Variants in FNTB observed in about 807,000 individuals in gnomAD.
The protein encoded by FNTB is protein farnesyltransferase subunit beta.
Under a neutral mutation model 59.4 loss-of-function variants are expected in FNTB, and 27 were observed. The ratio of observed to expected loss-of-function variants is 0.45; its 90% confidence interval spans 0.34 to 0.63. FNTB has a LOEUF of 0.63. FNTB is among the 20% of genes least tolerant of loss of function. The pLI is 0.02. For synonymous variants in FNTB, 230 were observed against 220.7 expected (o/e 1.04, Z -0.37); for missense variants, 449 against 559.6 (o/e 0.80, Z 1.99).
chr14:65,049,208 TAAGA>T (rs2062554955), intron 9 of FNTB, among the ~76,000 whole-genome samples: 1 of 152,076 alleles, frequency 6.6e-6, no homozygotes, highest in Non-Finnish European at 1.5e-5. Context: ...TGTGGAGCAA[TAAGA>T]AAGCAGCAGG....
chr14:65,052,708 C>A (rs555066478), intron 9 of FNTB, among the ~76,000 whole-genome samples: 2 of 152,186 alleles, frequency 1.3e-5, no homozygotes, highest in Admixed American at 6.5e-5. Context: ...TAGGTAAATT[C>A]TTTGAGCTGA....
chr14:65,055,327 TGTCC>T (rs1385120394), intron 11 of FNTB, among the ~76,000 whole-genome samples: 6 of 152,174 alleles, frequency 3.9e-5, no homozygotes, highest in Non-Finnish European at 8.8e-5. Context: ...CAATGGAGAC[TGTCC>T]CCAGTGATCA....
chr14:65,054,754 A>G lies in FNTB; in HGVS notation c.1182+65A>G, dbSNP rs2062692533. The G allele has an allele frequency of 1.3e-6, 2 of 1,515,112 alleles. No homozygotes were observed. The highest frequency in any genetic ancestry group is 9.0e-7 in the Non-Finnish European group (1 of 1,115,136). 93.9% of individuals were successfully genotyped at this position (1,515,112 alleles called of 1,614,324 possible). ...GACCTCGCGGACAGAAGGCTTTCCA[A>G]GTAAGCAGAACTGGCTCTGCATTTC... is the stretch of plus-strand genomic sequence containing the variant. On this transcript the variant is annotated intron_variant, in intron 11 of 11. Transcript: ENST00000246166. The surrounding 1 kb of genome is among the most constrained non-coding windows in gnomAD (Gnocchi z 4.4).
Position 65,008,426 on chromosome 14 carries a change from T to C in FNTB, c.210-3891T>C, listed in dbSNP as rs114043048. On this transcript the variant is annotated intron_variant, in intron 2 of 11. Coordinates refer to ENST00000246166, the MANE Select transcript of FNTB (RefSeq NM_002028.4). The stretch of plus-strand genomic sequence containing the variant: ...TCAGGGAAGCCAGAGTGAGCAAGGC[T>C]AGCCCTGGGCCTGCCCCTGCTGGGC... 5.4e-3 allele frequency among the ~76,000 whole-genome samples: 827 copies of C among 152,368 alleles called. 6 individuals are homozygous for C. The highest frequency in any genetic ancestry group is 0.019 in the African/African-American group (801 of 41,592).
intron 1 of FNTB, among the ~76,000 whole-genome samples, chr14:64,998,005 G>A (rs1726665283): frequency 6.6e-6 from 1 of 152,210 alleles, no homozygotes; most frequent in Admixed American, 6.5e-5. Flanking sequence ...CTACAGTCAT[G>A]TTTTGAGGTG....
At chr14:64,987,418 A>T (rs1476825231) in intron 1 of FNTB, 2 of 412,054 alleles carry the variant, frequency 4.9e-6, no homozygotes, top group East Asian at 9.6e-5. Flanking sequence ...CGGACAGCCC[A>T]CTCTGTTCTG....
At chr14:65,033,163 G>C (rs2062118639) in intron 7 of FNTB, among the ~76,000 whole-genome samples, 1 of 152,178 alleles carries the variant, frequency 6.6e-6, no homozygotes, top group Non-Finnish European at 1.5e-5. Context: ...TAATGTAGCA[G>C]TGAAAATGAA....
intron 9 of FNTB, among the ~76,000 whole-genome samples, chr14:65,046,540 A>G (rs887087766): frequency 2.6e-5 from 4 of 152,152 alleles, no homozygotes; most frequent in African/African-American, 7.2e-5. Context: ...AGCTTTGTCT[A>G]TGGAAAAGGG....
At chr14:65,037,737 ATTTATTATTTAT>A (rs1250450265) in intron 7 of FNTB, among the ~76,000 whole-genome samples, 93 of 74,400 alleles carry the variant, frequency 1.3e-3, no homozygotes, top group South Asian at 5.1e-3. Flanking sequence ...TTATTTATTT[ATTTATTATTTAT>A]TTATTTATTT....
chr14:64,997,871 A>T lies in FNTB; in HGVS notation c.145-6378A>T, dbSNP rs1888461039. 6.6e-6 allele frequency among the ~76,000 whole-genome samples: 1 copy of T among 152,220 alleles called. No homozygotes were observed. The highest frequency in any genetic ancestry group is 1.5e-5 in the Non-Finnish European group (1 of 68,042). On this transcript the variant is annotated intron_variant, in intron 1 of 11. Transcript: ENST00000246166. This position sits in a 1 kb window ranked among gnomAD's most constrained non-coding sequence, Gnocchi z 4.5. ...CCTTTTATAGATGTAATTTTCCCTT[A>T]CAAATGAGGTAACTTCTACTCTGTT...
At chr14:65,059,105 C>G (rs1045883380) in intron 11 of FNTB, among the ~76,000 whole-genome samples, 31 of 152,158 alleles carry the variant, frequency 2.0e-4, no homozygotes, top group African/African-American at 6.5e-4. Flanking sequence ...TCACTGCAGC[C>G]TGGAACTCCT....
chr14:65,046,368 T>C (rs2062477385), intron 9 of FNTB, among the ~76,000 whole-genome samples: 1 of 152,220 alleles, frequency 6.6e-6, no homozygotes, highest in South Asian at 2.1e-4. Flanking sequence ...GGTCAGTCTT[T>C]TACAAACCTG....
chr14:65,017,870 G>C (rs1442462998), intron 4 of FNTB, among the ~76,000 whole-genome samples: 1 of 152,064 alleles, frequency 6.6e-6, no homozygotes, highest in Non-Finnish European at 1.5e-5. Context: ...CAGGAGAATC[G>C]CTTGAACCTA....
At chr14:65,048,126 C>T (rs747694780) in intron 9 of FNTB, among the ~76,000 whole-genome samples, 128 of 151,300 alleles carry the variant, frequency 8.5e-4, no homozygotes, top group Non-Finnish European at 6.5e-4. Context: ...GGATTACAGG[C>T]GTGTACCACC....
At position 65,044,607 on chromosome 14, in the gene FNTB, G is replaced by A; in HGVS notation, c.955+164G>A. 1 of 1,036,652 alleles carries A rather than the reference G, an allele frequency of 9.6e-7. No individual in the cohort carries two copies. The highest frequency in any genetic ancestry group is 1.3e-6 in the Non-Finnish European group (1 of 755,114). 64.2% of individuals were successfully genotyped at this position (1,036,652 alleles called of 1,614,324 possible). ...TCATGCCGTGGGGCATGCGAATGCA[G>A]AGTAAGATTTAGTTTCATTGGTTTA... On this transcript the variant is annotated intron_variant, in intron 9 of 11. Coordinates refer to ENST00000246166, the MANE Select transcript of FNTB (RefSeq NM_002028.4). This position sits in a 1 kb window ranked among gnomAD's most constrained non-coding sequence, Gnocchi z 5.5.
intron 11 of FNTB, among the ~76,000 whole-genome samples, chr14:65,057,980 T>G (rs2062777273): frequency 6.6e-6 from 1 of 152,234 alleles, no homozygotes; most frequent in Non-Finnish European, 1.5e-5. Context: ...CCTTGTTGTT[T>G]TTCTTCAAAA....
rs968989775 is a variant in FNTB, at chr14:64,997,477, G to A, written c.145-6772G>A. ...CAAACCTTTGGGAAAATTGATTTGA[G>A]TAATAACTCTGTCTCCAGTGTGGTG... On this transcript the variant is annotated intron_variant, in intron 1 of 11. Transcript: ENST00000246166. This position sits in a 1 kb window ranked among gnomAD's most constrained non-coding sequence, Gnocchi z 4.5. Among the ~76,000 whole-genome samples the A allele has an allele frequency of 6.6e-6, 1 of 152,160 alleles. No homozygotes were observed. The highest frequency in any genetic ancestry group is 2.1e-4 in the South Asian group (1 of 4,838).
intron 2 of FNTB, chr14:65,006,381 A>G (rs1595002332): frequency 2.6e-6 from 4 of 1,525,190 alleles, no homozygotes; most frequent in Non-Finnish European, 3.5e-6. Context: ...CTCTGACCTC[A>G]ATAAAATGAA....
At chr14:65,033,450 A>G (rs1297600610) in intron 7 of FNTB, among the ~76,000 whole-genome samples, 1 of 152,246 alleles carries the variant, frequency 6.6e-6, no homozygotes, top group Admixed American at 6.5e-5. Context: ...TGTAATAGTT[A>G]ACAACAACAA....
Sources: gnomAD v4.1 joint callset for allele counts (sites outside exome capture counted in the v4.1 genomes callset) on GRCh38, gnomAD v4.1.1 for gene constraint, Gnocchi (gnomAD v3.1) non-coding constraint, MANE v1.5 for transcripts, NCBI Gene and HGNC (gene_info 2026-07-23, HGNC 2026-07-21) for gene names.